Variants in GXYLT2 observed in about 807,000 individuals in gnomAD.
The protein encoded by GXYLT2 is glucoside xylosyltransferase 2, also known as glycosyltransferase 8 domain containing 4.
In GXYLT2, 53 loss-of-function variants were observed where a neutral mutation model predicts 45.8. The ratio of observed to expected loss-of-function variants is 1.16; its 90% CI spans 0.93 to 1.46. GXYLT2 has a LOEUF of 1.46. Among genes scored for constraint, GXYLT2 ranks in the 40% most tolerant of loss-of-function variants. GXYLT2 has a pLI of 0.00. For synonymous variants in GXYLT2, 219 were observed against 214.2 expected, an observed-to-expected ratio of 1.02 and a Z score of -0.19; for missense variants, 551 against 544.4, an observed-to-expected ratio of 1.01 and a Z score of -0.12.
At chr3:72,909,934 T>C (rs1427348085) in intron 2 of GXYLT2, among the ~76,000 whole-genome samples, 2 of 151,832 alleles carry the variant, frequency 1.3e-5, no homozygotes, top group African/African-American at 4.8e-5. Context: ...AATAGAAAGA[T>C]GGAAAATGTG....
intron 1 of GXYLT2, among the ~76,000 whole-genome samples, chr3:72,889,882 C>A (rs1709145905): frequency 1.3e-5 from 2 of 148,612 alleles, no homozygotes; most frequent in Admixed American, 6.7e-5. Flanking sequence ...CCCCCCACCG[C>A]TGTTTTTCTT....
intron 4 of GXYLT2, among the ~76,000 whole-genome samples, chr3:72,956,798 G>A (rs1381994425): frequency 2.6e-5 from 4 of 151,824 alleles, no homozygotes; most frequent in East Asian, 1.9e-4. Flanking sequence ...GCTGAGGCAC[G>A]AGAATCGCTT....
chr3:72,925,179 CAG>C (rs1299919325), intron 3 of GXYLT2, among the ~76,000 whole-genome samples: 12 of 144,376 alleles, frequency 8.3e-5, no homozygotes, highest in African/African-American at 3.0e-4. Flanking sequence ...TTTTTTGAGA[CAG>C]AGTCTCACTC....
chr3:72,923,831 A>G (rs1018024090), intron 3 of GXYLT2, among the ~76,000 whole-genome samples: 4 of 152,180 alleles, frequency 2.6e-5, no homozygotes, highest in South Asian at 2.1e-4. Context: ...GGGTCTCGCT[A>G]TATTGCTCAG....
rs1280084792 is a variant in GXYLT2, at chr3:72,971,321, C to T, written c.1149+3602C>T. On this transcript the variant is annotated intron_variant, in intron 6 of 6. Coordinates refer to ENST00000389617, the MANE Select transcript of GXYLT2 (RefSeq NM_001080393.2). ...ATAGTTTTCATTCAGGCATTTCAAT[C>T]AGAAAAATGACTAACCCTGACCCAA... is the stretch of plus-strand genomic sequence containing the variant. Among the ~76,000 whole-genome samples the T allele has an allele frequency of 2.0e-5, 3 of 152,170 alleles. No individual in the cohort carries two copies. The East Asian group carries it at 5.8e-4, about 29-fold the overall frequency.
At chr3:72,958,068 T>C (rs945351156) in intron 5 of GXYLT2, among the ~76,000 whole-genome samples, 2 of 151,998 alleles carry the variant, frequency 1.3e-5, no homozygotes, top group African/African-American at 4.8e-5. Flanking sequence ...GTCGAGAGTT[T>C]GAGACCAGCC....
intron 2 of GXYLT2, among the ~76,000 whole-genome samples, chr3:72,917,993 G>A (rs1709770161): frequency 6.6e-6 from 1 of 151,958 alleles, no homozygotes; most frequent in Non-Finnish European, 1.5e-5. Flanking sequence ...TCTAAAGTGA[G>A]TTGACCAATG....
intron 1 of GXYLT2, among the ~76,000 whole-genome samples, chr3:72,906,862 C>T (rs750665454): frequency 1.3e-5 from 2 of 152,162 alleles, no homozygotes; most frequent in African/African-American, 4.8e-5. Context: ...GTGAGAGATA[C>T]AAGTAGGAGC....
At chr3:72,944,262 T>A (rs7617954) in intron 3 of GXYLT2, among the ~76,000 whole-genome samples, 1 of 49,854 alleles carries the variant, frequency 2.0e-5, no homozygotes, top group Non-Finnish European at 4.0e-5. Flanking sequence ...TCTTTTTTTT[T>A]CTTTTTTTTT....
intron 3 of GXYLT2, among the ~76,000 whole-genome samples, chr3:72,924,928 A>T (rs1005332987): frequency 6.6e-6 from 1 of 152,074 alleles, no homozygotes; most frequent in African/African-American, 2.4e-5. Context: ...AGTTTTGGTA[A>T]AGGGGTCAAA....
intron 3 of GXYLT2, among the ~76,000 whole-genome samples, chr3:72,931,762 G>C (rs1710041817): frequency 6.6e-6 from 1 of 151,776 alleles, no homozygotes; most frequent in South Asian, 2.1e-4. Flanking sequence ...CAAGCAGAAG[G>C]ATGGAAATAA....
chr3:72,922,201 C>T lies in GXYLT2; in HGVS notation c.469-3C>T, dbSNP rs1553706812. On this transcript the variant is annotated splice_polypyrimidine_tract_variant and splice_region_variant and intron_variant, in intron 2 of 6. Transcript: ENST00000389617. ...CCCTTCCCTTGCTTCCCATGTTTTT[C>T]AGTTACGCCAGTGGCCTGACTCATA... 1 of 1,610,222 alleles carries T rather than the reference C, an allele frequency of 6.2e-7. No homozygotes were observed. Among genetic ancestry groups the T allele is most frequent in the Non-Finnish European group, 8.5e-7 (1 of 1,178,582 alleles).
rs1387857736 is a variant in GXYLT2 at position 72,888,373 on chromosome 3, C to T, written c.140C>T (p.Pro47Leu). 1 of 984,470 alleles carries T rather than the reference C, an allele frequency of 1.0e-6. No homozygotes were observed. The allele number at this position is 984,470 out of a possible 1,614,324, so 61.0% of individuals were successfully genotyped here. Reference sequence around the variant, plus strand: ...CCCGCGTCCGCCCCGCAGCGCCACCCCGCGCCTGTCCCCGCGCGCTGGCCG... The same window carrying T: ...CCCGCGTCCGCCCCGCAGCGCCACCTCGCGCCTGTCCCCGCGCGCTGGCCG... ...ARPASAPQRH[P>L]APVPARWPGP... is the part of the protein sequence containing the mutation. Residue 47 changes from proline (P) to leucine (L), a missense_variant, in exon 1 of 7, where the codon CCC (proline) becomes CTC (leucine). By Grantham distance (98) the Pro-to-Leu change is moderately conservative. Transcript: ENST00000389617.
chr3:72,918,951 G>T (rs989894322), intron 2 of GXYLT2, among the ~76,000 whole-genome samples: 11 of 152,210 alleles, frequency 7.2e-5, no homozygotes, highest in Admixed American at 2.0e-4. Flanking sequence ...ACACCTATTT[G>T]AATGGCTAAA....
intron 3 of GXYLT2, among the ~76,000 whole-genome samples, chr3:72,944,455 A>G (rs1184160359): frequency 6.6e-6 from 1 of 151,726 alleles, no homozygotes; most frequent in Non-Finnish European, 1.5e-5. Context: ...GGGTTTCACC[A>G]TCTTGGCCAG....
At chr3:72,905,298 A>G (rs143265435) in intron 1 of GXYLT2, among the ~76,000 whole-genome samples, 12 of 152,062 alleles carry the variant, frequency 7.9e-5, no homozygotes, top group Middle Eastern at 3.4e-3. Context: ...TTGTATTTTT[A>G]GTAGAGACGA....
At chr3:72,915,824 C>A (rs1356966277) in intron 2 of GXYLT2, among the ~76,000 whole-genome samples, 2 of 151,000 alleles carry the variant, frequency 1.3e-5, no homozygotes, top group Non-Finnish European at 2.9e-5. Flanking sequence ...CAGAGGGAGA[C>A]CCTGTCTCAA....
At chr3:72,912,179 TTTGTATTTTTAGTAGA>T (rs1709644161) in intron 2 of GXYLT2, among the ~76,000 whole-genome samples, 1 of 151,720 alleles carries the variant, frequency 6.6e-6, no homozygotes, top group African/African-American at 2.4e-5. Flanking sequence ...CCGGCTAATT[TTTGTATTTTTAGTAGA>T]GACAGGGTTT....
At chr3:72,901,673 G>C (rs544943014) in intron 1 of GXYLT2, among the ~76,000 whole-genome samples, 1 of 140,714 alleles carries the variant, frequency 7.1e-6, no homozygotes, top group Non-Finnish European at 1.5e-5. Context: ...CAATTCTCCT[G>C]CCTCAGCCAC....
Sources: gnomAD v4.1 joint callset for allele counts (sites outside exome capture counted in the v4.1 genomes callset) on GRCh38, gnomAD v4.1.1 for gene constraint, MANE v1.5 for transcripts, NCBI Gene and HGNC (gene_info 2026-07-23, HGNC 2026-07-21) for gene names.